Variants in BCAS3 observed in about 807,000 individuals in gnomAD.
BCAS3 encodes BCAS4/BCAS3 fusion.
BCAS3 carries 53 observed loss-of-function variants against 116.1 expected under a neutral mutation model. That is an observed-to-expected ratio of 0.46 (90% confidence interval 0.37 to 0.57). The LOEUF (loss-of-function observed/expected upper bound fraction) is 0.57, where lower values mean the gene tolerates loss of function less well. BCAS3 is among the 20% of genes least tolerant of loss of function. The probability of loss-of-function intolerance (pLI) is 0.00; values close to 1 mark genes in which losing one functional copy is unlikely to be tolerated. For synonymous variants in BCAS3, 391 were observed against 408.2 expected (o/e 0.96, Z 0.51); for missense variants, 917 against 1,165.4 (o/e 0.79, Z 3.10).
intron 14 of BCAS3, among the ~76,000 whole-genome samples, chr17:60,970,589 G>A (rs1232727252): frequency 2.6e-5 from 4 of 152,084 alleles, no homozygotes; most frequent in Admixed American, 1.3e-4. Context: ...CCTATTACCA[G>A]AGATATTTTG....
intron 9 of BCAS3, among the ~76,000 whole-genome samples, chr17:60,877,771 C>T (rs2055749216): frequency 6.6e-6 from 1 of 152,156 alleles, no homozygotes; most frequent in Non-Finnish European, 1.5e-5. Context: ...TTAGTAATTC[C>T]TGACCCACAA....
Position 61,388,384 on chromosome 17 carries a change from G to A in BCAS3, c.2594-3593G>A, listed in dbSNP as rs1056571809. ...CCTCTCCCCCTCCCCCACTCTGAAC[G>A]GGGTCTTGGCCCCCTCTGTCACAGC... On this transcript the variant is annotated intron_variant, in intron 23 of 23. Coordinates refer to ENST00000407086, the MANE Select transcript of BCAS3 (RefSeq NM_017679.5). This position sits in a 1 kb window ranked among gnomAD's most constrained non-coding sequence, Gnocchi z 6.5. The A allele has an allele frequency of 1.3e-4, 60 of 449,208 alleles. No individual in the cohort carries two copies. The highest frequency in any genetic ancestry group is 6.8e-4 in the African/African-American group (34 of 49,652). 27.8% of individuals were successfully genotyped at this position (449,208 alleles called of 1,614,324 possible). A position where few individuals can be genotyped will look rare whatever the true frequency, so the allele number is the denominator to read the frequency against.
At position 61,359,320 on chromosome 17, in the gene BCAS3, A is replaced by G. The variant is rs535114163; in HGVS notation, c.2426-9007A>G. 2.0e-5 allele frequency among the ~76,000 whole-genome samples: 3 copies of G among 152,238 alleles called. No homozygotes were observed. In the South Asian group the frequency reaches 6.2e-4, roughly 32 times the overall value. The stretch of plus-strand genomic sequence containing the variant: ...AAAAGACAAAATTATAACAAACTTC[A>G]TTATAGATCTAATTGGCTTTTATTT... On this transcript the variant is annotated intron_variant, in intron 22 of 23. Transcript: ENST00000407086.
chr17:61,106,638 G>A lies in BCAS3; in HGVS notation c.2425+22074G>A, dbSNP rs934275167. On this transcript the variant is annotated intron_variant, in intron 22 of 23. Transcript: ENST00000407086. This position sits in a 1 kb window ranked among gnomAD's most constrained non-coding sequence, Gnocchi z 4.2. ...AGGCATCCACTGGGGGTCTTGGAAC[G>A]TATCCCCATAGATAAGGAGCGGGGG... Among the ~76,000 whole-genome samples, 3 of 152,174 alleles carry A rather than the reference G, an allele frequency of 2.0e-5. No homozygotes were observed. The highest frequency in any genetic ancestry group is 2.9e-5 in the Non-Finnish European group (2 of 68,026).
intron 22 of BCAS3, among the ~76,000 whole-genome samples, chr17:61,163,327 G>A (rs901657656): frequency 2.9e-4 from 8 of 27,310 alleles, no homozygotes; most frequent in Non-Finnish European, 2.3e-3. Flanking sequence ...GGGAGGCTGA[G>A]GCAGGAGAAT....
chr17:60,939,241 G>A (rs1182553279), intron 13 of BCAS3, among the ~76,000 whole-genome samples: 1 of 151,996 alleles, frequency 6.6e-6, no homozygotes, highest in Admixed American at 6.6e-5. Flanking sequence ...GACCAGCCTC[G>A]TCAACATGGT....
intron 22 of BCAS3, among the ~76,000 whole-genome samples, chr17:61,179,651 C>T (rs1044061050): frequency 6.6e-6 from 1 of 152,174 alleles, no homozygotes; most frequent in African/African-American, 2.4e-5. Flanking sequence ...CTTGCCTCTC[C>T]CTTCAAGCAC....
At chr17:60,888,795 T>C (rs2056928141) in intron 9 of BCAS3, among the ~76,000 whole-genome samples, 1 of 152,150 alleles carries the variant, frequency 6.6e-6, no homozygotes, top group South Asian at 2.1e-4. Context: ...TTTGTTTATG[T>C]GGACTTTCTT....
intron 7 of BCAS3, among the ~76,000 whole-genome samples, chr17:60,834,811 T>C (rs2051229447): frequency 6.6e-6 from 1 of 151,984 alleles, no homozygotes; most frequent in Non-Finnish European, 1.5e-5. Flanking sequence ...TTTTAAGTTA[T>C]ATTGCTTTTA....
intron 9 of BCAS3, among the ~76,000 whole-genome samples, chr17:60,888,349 T>A (rs766571085): frequency 6.6e-6 from 1 of 152,198 alleles, no homozygotes; most frequent in Non-Finnish European, 1.5e-5. Flanking sequence ...TTCAGGAGAT[T>A]CTCTGTGTCT....
At chr17:60,891,270 C>A (rs1191249579) in intron 10 of BCAS3, among the ~76,000 whole-genome samples, 3 of 152,072 alleles carry the variant, frequency 2.0e-5, no homozygotes, top group East Asian at 1.9e-4. Context: ...GGGGAACTGC[C>A]CATTTGGAAG....
chr17:60,802,651 GT>G (rs1375533231), intron 6 of BCAS3, among the ~76,000 whole-genome samples: 2 of 151,918 alleles, frequency 1.3e-5, no homozygotes, highest in African/African-American at 2.4e-5. Context: ...TGTCGACTTT[GT>G]TTTTTTGAGA....
intron 4 of BCAS3, among the ~76,000 whole-genome samples, chr17:60,701,889 G>C (rs910501209): frequency 6.7e-6 from 1 of 149,290 alleles, no homozygotes; most frequent in East Asian, 1.9e-4. Flanking sequence ...CAGGAGATGC[G>C]CTAGAGCCCA....
Position 61,259,434 on chromosome 17 carries a change from C to T in BCAS3, c.2426-108893C>T, listed in dbSNP as rs1367903615. ...TTTAATAGCACAGTAACTGCCAGTTCCTGTCCATAGGGGTTGAGAACATCG... is the reference window on the plus strand; with the variant it reads ...TTTAATAGCACAGTAACTGCCAGTTTCTGTCCATAGGGGTTGAGAACATCG... On this transcript the variant is annotated intron_variant, in intron 22 of 23. Transcript: ENST00000407086. This position sits in a 1 kb window ranked among gnomAD's most constrained non-coding sequence, Gnocchi z 4.7. Among the ~76,000 whole-genome samples, 2 of 152,216 alleles carry T rather than the reference C, an allele frequency of 1.3e-5. No homozygotes were observed. Among genetic ancestry groups the T allele is most frequent in the East Asian group, 1.9e-4 (1 of 5,168 alleles).
intron 8 of BCAS3, among the ~76,000 whole-genome samples, chr17:60,871,014 A>T (rs1020989390): frequency 6.6e-6 from 1 of 152,198 alleles, no homozygotes; most frequent in African/African-American, 2.4e-5. Context: ...TTGATAATTT[A>T]TCAATAGTTT....
chr17:60,850,010 G>C (rs890047693), intron 7 of BCAS3, among the ~76,000 whole-genome samples: 13 of 151,948 alleles, frequency 8.6e-5, no homozygotes, highest in African/African-American at 2.9e-4. Flanking sequence ...ATCTCACCTT[G>C]GCCTCCAAAA....
At chr17:61,052,837 C>T (rs1016700213) in intron 19 of BCAS3, among the ~76,000 whole-genome samples, 5 of 151,626 alleles carry the variant, frequency 3.3e-5, no homozygotes, top group African/African-American at 4.8e-5. Context: ...CCTGCCTCAG[C>T]CTCCCAAGTA....
Position 61,282,997 on chromosome 17 carries a change from C to A in BCAS3, c.2426-85330C>A, listed in dbSNP as rs35258344. Among the ~76,000 whole-genome samples the A allele has an allele frequency of 0.046, 6,982 of 150,690 alleles. 199 individuals carry two copies. Among genetic ancestry groups the A allele is most frequent in the African/African-American group, 0.058 (2,402 of 41,202 alleles). On this transcript the variant is annotated intron_variant, in intron 22 of 23. Coordinates refer to ENST00000407086, the MANE Select transcript of BCAS3 (RefSeq NM_017679.5). This position sits in a 1 kb window ranked among gnomAD's most constrained non-coding sequence, Gnocchi z 5.9. The stretch of plus-strand genomic sequence containing the variant: ...AAATTTTTTTCACTGTGATTTTCCC[C>A]CTTTAAAAATAAATCAGCCCATGGC...
intron 22 of BCAS3, among the ~76,000 whole-genome samples, chr17:61,236,600 G>A (rs145682944): frequency 5.6e-4 from 85 of 152,302 alleles, no homozygotes; most frequent in African/African-American, 1.6e-3. Flanking sequence ...GATTACAGGC[G>A]TGAGCCACCG....
Sources: gnomAD v4.1 joint callset for allele counts (sites outside exome capture counted in the v4.1 genomes callset) on GRCh38, gnomAD v4.1.1 for gene constraint, Gnocchi (gnomAD v3.1) non-coding constraint, MANE v1.5 for transcripts, NCBI Gene and HGNC (gene_info 2026-07-23, HGNC 2026-07-21) for gene names.